MPPED1: variants seen among roughly 807,000 people sequenced by gnomAD.
MPPED1 encodes the protein metallophosphoesterase domain containing 1.
MPPED1 carries 16 observed loss-of-function variants against 36.2 expected under a neutral mutation model. The ratio of observed to expected loss-of-function variants is 0.44; its 90% confidence interval spans 0.30 to 0.67. MPPED1 has a LOEUF of 0.67. MPPED1 is among the 30% of genes least tolerant of loss of function. The probability of loss-of-function intolerance (pLI) is 0.10; values close to 1 mark genes in which losing one functional copy is unlikely to be tolerated. For missense variants in MPPED1, 307 were observed against 453.4 expected, an observed-to-expected ratio of 0.68 and a Z score of 2.93; for synonymous variants, 199 against 191.3, an observed-to-expected ratio of 1.04 and a Z score of -0.33.
At chr22:43,464,063 C>A (rs1931075398) in intron 3 of MPPED1, among the ~76,000 whole-genome samples, 1 of 151,816 alleles carries the variant, frequency 6.6e-6, no homozygotes, top group Admixed American at 6.6e-5. Context: ...CGCCCGCCAC[C>A]ACTCCCAGCT....
intron 4 of MPPED1, among the ~76,000 whole-genome samples, chr22:43,485,184 G>A (rs116851578): frequency 0.033 from 5,016 of 151,468 alleles, 99 homozygotes; most frequent in South Asian, 0.052. Flanking sequence ...TAATTCACAC[G>A]CACACATACC....
At chr22:43,466,873 C>T (rs976772629) in intron 3 of MPPED1, among the ~76,000 whole-genome samples, 14 of 152,226 alleles carry the variant, frequency 9.2e-5, no homozygotes, top group Admixed American at 8.5e-4. Flanking sequence ...CCTCCACCTC[C>T]TGATTGTCCC....
chr22:43,499,416 AGTG>A (rs973104603), intron 5 of MPPED1, among the ~76,000 whole-genome samples: 6 of 58,570 alleles, frequency 1.0e-4, no homozygotes, highest in African/African-American at 1.4e-4. Context: ...TGGTGATAGA[AGTG>A]GTGGTGATGT....
At chr22:43,446,625 G>T (rs1231474733) in intron 3 of MPPED1, among the ~76,000 whole-genome samples, 1 of 152,154 alleles carries the variant, frequency 6.6e-6, no homozygotes, top group Non-Finnish European at 1.5e-5. Flanking sequence ...TGGGGGATGG[G>T]ACCCAGTAGG....
At position 43,506,759 on chromosome 22, in the gene MPPED1, T is replaced by C. The variant is rs1602035181; in HGVS notation, c.*1143T>C. 6.6e-6 allele frequency: 1 copy of C among 152,124 alleles called. No homozygotes were observed. The highest frequency in any genetic ancestry group is 2.1e-4 in the South Asian group (1 of 4,804). The allele number at this position is 152,124 out of a possible 1,614,324, so 9.4% of individuals were successfully genotyped here. A position where few individuals can be genotyped will look rare whatever the true frequency, so the allele number is the denominator to read the frequency against. On this transcript the variant is annotated 3_prime_UTR_variant, in exon 7 of 7. Transcript: ENST00000443721. The stretch of plus-strand genomic sequence containing the variant: ...ACTGGAGGGGGTGGGGCCAGGGCGG[T>C]GGTGGGAACCGGTAGGGCCTAGATG...
chr22:43,464,131 A>C (rs1931077393), intron 3 of MPPED1, among the ~76,000 whole-genome samples: 1 of 150,636 alleles, frequency 6.6e-6, no homozygotes, highest in Non-Finnish European at 1.5e-5. Flanking sequence ...CTGGTCTTGA[A>C]CTCCTGACCT....
At chr22:43,497,935 G>GTATGTATATATATA (rs1932480800) in intron 4 of MPPED1, among the ~76,000 whole-genome samples, 13 of 128,362 alleles carry the variant, frequency 1.0e-4, no homozygotes, top group African/African-American at 1.7e-4. Flanking sequence ...ATATGTATAT[G>GTATGTATATATATA]TATATATATA....
At chr22:43,449,587 C>T (rs1398125585) in intron 3 of MPPED1, among the ~76,000 whole-genome samples, 3 of 152,162 alleles carry the variant, frequency 2.0e-5, no homozygotes, top group Non-Finnish European at 2.9e-5. Flanking sequence ...ATCCCCTGCT[C>T]GGCCCCATCC....
intron 3 of MPPED1, among the ~76,000 whole-genome samples, chr22:43,456,548 G>C (rs1468869908): frequency 6.6e-6 from 1 of 152,204 alleles, no homozygotes; most frequent in Non-Finnish European, 1.5e-5. Context: ...AGACTGGGGT[G>C]CAGTGGTGCA....
intron 2 of MPPED1, among the ~76,000 whole-genome samples, chr22:43,432,547 G>GAT (rs1348399821): frequency 8.0e-6 from 1 of 124,526 alleles, no homozygotes. Flanking sequence ...AGGAGAGAAA[G>GAT]AAAGGGAGGA....
chr22:43,481,391 CA>C (rs1383691936), intron 4 of MPPED1, among the ~76,000 whole-genome samples: 1 of 152,150 alleles, frequency 6.6e-6, no homozygotes, highest in African/African-American at 2.4e-5. Flanking sequence ...ATTACTCCGG[CA>C]GTTGATTTAT....
At chr22:43,444,436 A>G (rs1334878782) in intron 3 of MPPED1, among the ~76,000 whole-genome samples, 1 of 142,362 alleles carries the variant, frequency 7.0e-6, no homozygotes, top group Non-Finnish European at 1.5e-5. Context: ...GCGCGATCTC[A>G]GCTCACTGCA....
At chr22:43,436,571 G>T (rs994282263) in intron 3 of MPPED1, among the ~76,000 whole-genome samples, 1 of 152,264 alleles carries the variant, frequency 6.6e-6, no homozygotes, top group African/African-American at 2.4e-5. Flanking sequence ...GGGGGACAGG[G>T]CTCCTGAAGT....
intron 3 of MPPED1, among the ~76,000 whole-genome samples, chr22:43,444,279 GGTGTGTGTGTGTGTGTGT>G (rs35340638): frequency 2.0e-4 from 29 of 141,944 alleles, no homozygotes; most frequent in Admixed American, 2.8e-4. Context: ...GACCCACTGG[GGTGTGTGTGTGTGTGTGT>G]GTGTGTGTGT....
intron 3 of MPPED1, among the ~76,000 whole-genome samples, chr22:43,464,183 A>G (rs1931079932): frequency 6.6e-6 from 1 of 152,016 alleles, no homozygotes; most frequent in Non-Finnish European, 1.5e-5. Flanking sequence ...TGCTGGGATT[A>G]CAGGTGTGAG....
At chr22:43,485,537 TCACA>T (rs199993791) in intron 4 of MPPED1, among the ~76,000 whole-genome samples, 5 of 151,880 alleles carry the variant, frequency 3.3e-5, no homozygotes, top group Admixed American at 6.6e-5. Context: ...ACATTCACAC[TCACA>T]CACAGAGTCA....
At chr22:43,485,257 C>T (rs1931875588) in intron 4 of MPPED1, among the ~76,000 whole-genome samples, 1 of 151,958 alleles carries the variant, frequency 6.6e-6, no homozygotes, top group Non-Finnish European at 1.5e-5. Context: ...CACATGCATT[C>T]ACACACACAT....
At chr22:43,433,064 G>A (rs1304253512) in intron 2 of MPPED1, among the ~76,000 whole-genome samples, 3 of 152,082 alleles carry the variant, frequency 2.0e-5, no homozygotes, top group Admixed American at 2.0e-4. Context: ...TCAGCTGTGT[G>A]TGGGGGGGCG....
At chr22:43,454,311 T>C (rs1350680627) in intron 3 of MPPED1, among the ~76,000 whole-genome samples, 3 of 151,604 alleles carry the variant, frequency 2.0e-5, no homozygotes, top group Non-Finnish European at 2.9e-5. Flanking sequence ...ACCCAGCCTA[T>C]TTTCTTCTTT....
Sources: gnomAD v4.1 joint callset for allele counts (sites outside exome capture counted in the v4.1 genomes callset) on GRCh38, gnomAD v4.1.1 for gene constraint, MANE v1.5 for transcripts, NCBI Gene and HGNC (gene_info 2026-07-23, HGNC 2026-07-21) for gene names.